Variants in CAMK1D observed in about 807,000 individuals in gnomAD.
CAMK1D encodes calcium/calmodulin-dependent protein kinase type 1D.
A neutral mutation model predicts 47.7 loss-of-function variants in CAMK1D; 9 were observed. That is an observed-to-expected ratio of 0.19 (90% CI 0.11 to 0.33). The LOEUF (loss-of-function observed/expected upper bound fraction) is 0.33, where lower values mean the gene tolerates loss of function less well. Ranked by LOEUF, CAMK1D falls within the 10% of genes least tolerant of loss-of-function variation. The pLI is 1.00. For missense variants in CAMK1D, 291 were observed against 488.7 expected (o/e 0.60, Z 3.81); for synonymous variants, 184 against 184.9 (o/e 0.99, Z 0.04).
At chr10:12,606,187 C>CGTGGGGGG (rs143958455) in intron 2 of CAMK1D, among the ~76,000 whole-genome samples, 1 of 152,158 alleles carries the variant, frequency 6.6e-6, no homozygotes, top group African/African-American at 2.4e-5. Flanking sequence ...CGCGGCTGCT[C>CGTGGGGGG]AGGGACCACA....
At chr10:12,471,831 A>G (rs1833754652) in intron 1 of CAMK1D, among the ~76,000 whole-genome samples, 1 of 152,076 alleles carries the variant, frequency 6.6e-6, no homozygotes, top group Non-Finnish European at 1.5e-5. Flanking sequence ...CAGGAGTTCA[A>G]GACCAGTCTG....
At chr10:12,405,698 G>A (rs1465152080) in intron 1 of CAMK1D, among the ~76,000 whole-genome samples, 5 of 152,224 alleles carry the variant, frequency 3.3e-5, no homozygotes, top group Non-Finnish European at 5.9e-5. Flanking sequence ...GCTGGAGCCA[G>A]TATCTATGAG....
intron 8 of CAMK1D, among the ~76,000 whole-genome samples, chr10:12,818,315 T>C (rs1242775912): frequency 6.6e-6 from 1 of 152,192 alleles, no homozygotes; most frequent in African/African-American, 2.4e-5. Flanking sequence ...CTCTAATGTA[T>C]TGTCTTCTTT....
At chr10:12,811,230 A>G (rs921529912) in intron 6 of CAMK1D, among the ~76,000 whole-genome samples, 6 of 152,214 alleles carry the variant, frequency 3.9e-5, no homozygotes, top group African/African-American at 1.4e-4. Flanking sequence ...GATATGTAAA[A>G]GAAGCCACAC....
chr10:12,517,257 C>G (rs1461606080), intron 1 of CAMK1D, among the ~76,000 whole-genome samples: 3 of 152,094 alleles, frequency 2.0e-5, no homozygotes, highest in Non-Finnish European at 2.9e-5. Flanking sequence ...CTTAATAGTT[C>G]TAGATGCTTT....
chr10:12,732,040 G>C (rs1249983615), intron 3 of CAMK1D, among the ~76,000 whole-genome samples: 2 of 152,118 alleles, frequency 1.3e-5, no homozygotes, highest in Non-Finnish European at 2.9e-5. Context: ...CCAGGAGTTT[G>C]AGAACAGCCT....
intron 3 of CAMK1D, among the ~76,000 whole-genome samples, chr10:12,739,364 C>T (rs1368099932): frequency 6.6e-6 from 1 of 151,984 alleles, no homozygotes; most frequent in Non-Finnish European, 1.5e-5. Context: ...TAACCTCCGC[C>T]TCTCGGGTTT....
chr10:12,387,218 AG>A (rs1838523472), intron 1 of CAMK1D, among the ~76,000 whole-genome samples: 1 of 149,862 alleles, frequency 6.7e-6, no homozygotes, highest in African/African-American at 2.5e-5. Context: ...AAAAAAAAAA[AG>A]TTACCGTTAC....
rs1564360400 is a variant in CAMK1D at position 12,472,465 on chromosome 10, C to T, written c.93-80760C>T. ...TTGTTGGGTTGTTTCTTGTTTTTTC[C>T]TCTCCCTTCATCCCTAGTCACTGTC... is the stretch of plus-strand genomic sequence containing the variant. On this transcript the variant is annotated intron_variant, in intron 1 of 10. Transcript: ENST00000619168. Among the ~76,000 whole-genome samples, 4 of 150,668 alleles carry T rather than the reference C, an allele frequency of 2.7e-5. No individual in the cohort carries two copies. In the East Asian group the frequency reaches 7.8e-4, roughly 30 times the overall value.
intron 1 of CAMK1D, among the ~76,000 whole-genome samples, chr10:12,352,809 T>G (rs990525196): frequency 6.7e-6 from 1 of 149,482 alleles, no homozygotes; most frequent in Non-Finnish European, 1.5e-5. Context: ...CAATCTCGGC[T>G]CACTGCAAGC....
intron 2 of CAMK1D, among the ~76,000 whole-genome samples, chr10:12,611,608 T>TTTTC (rs1295505894): frequency 1.4e-4 from 19 of 134,548 alleles, no homozygotes; most frequent in Admixed American, 7.8e-4. Flanking sequence ...TTTTTTTTTT[T>TTTTC]TGAGACAGAG....
chr10:12,464,972 A>G (rs1422084356), intron 1 of CAMK1D, among the ~76,000 whole-genome samples: 1 of 152,216 alleles, frequency 6.6e-6, no homozygotes, highest in East Asian at 1.9e-4. Context: ...CGTTCTGGAT[A>G]TTGGGCAAGG....
chr10:12,503,075 T>G (rs1834755446), intron 1 of CAMK1D, among the ~76,000 whole-genome samples: 2 of 152,224 alleles, frequency 1.3e-5, no homozygotes, highest in Admixed American at 1.3e-4. Flanking sequence ...TGTATGTATA[T>G]GTGCATACAT....
chr10:12,426,033 C>G (rs1200207219), intron 1 of CAMK1D, among the ~76,000 whole-genome samples: 1 of 152,328 alleles, frequency 6.6e-6, no homozygotes, highest in South Asian at 2.1e-4. Flanking sequence ...CTAACTTTAG[C>G]TGATCTTGGT....
At chr10:12,626,495 A>C (rs1446951826) in intron 2 of CAMK1D, among the ~76,000 whole-genome samples, 1 of 131,398 alleles carries the variant, frequency 7.6e-6, no homozygotes, top group Non-Finnish European at 1.6e-5. Flanking sequence ...TTTTTTTGAG[A>C]TGGAGTCTCA....
chr10:12,529,654 A>G (rs775285622), intron 1 of CAMK1D, among the ~76,000 whole-genome samples: 7 of 152,246 alleles, frequency 4.6e-5, no homozygotes, highest in Non-Finnish European at 8.8e-5. Context: ...CGAGCCACAC[A>G]GTGCCGGGTA....
chr10:12,517,735 G>T (rs1835252997), intron 1 of CAMK1D, among the ~76,000 whole-genome samples: 1 of 108,442 alleles, frequency 9.2e-6, no homozygotes, highest in Admixed American at 8.8e-5. Flanking sequence ...TAGTTGTGGT[G>T]TATTTTTTTT....
At chr10:12,774,005 A>G (rs577727574) in intron 5 of CAMK1D, among the ~76,000 whole-genome samples, 19 of 146,996 alleles carry the variant, frequency 1.3e-4, no homozygotes, top group African/African-American at 3.5e-4. Flanking sequence ...TAAGGGCTAC[A>G]TCATTCAGCC....
intron 5 of CAMK1D, among the ~76,000 whole-genome samples, chr10:12,785,782 A>C (rs1837699229): frequency 6.6e-6 from 1 of 152,228 alleles, no homozygotes; most frequent in African/African-American, 2.4e-5. Flanking sequence ...GATCAGAGTG[A>C]GAAGTGGACT....
Sources: gnomAD v4.1 joint callset for allele counts (sites outside exome capture counted in the v4.1 genomes callset) on GRCh38, gnomAD v4.1.1 for gene constraint, MANE v1.5 for transcripts, NCBI Gene and HGNC (gene_info 2026-07-23, HGNC 2026-07-21) for gene names.